The following FAT3 variants were observed in gnomAD, a reference collection of about 807,000 sequenced individuals.
The protein encoded by FAT3 is protocadherin Fat 3.
Under a neutral mutation model 310.2 loss-of-function variants are expected in FAT3, and 95 were observed. That is an observed-to-expected ratio of 0.31 (90% CI 0.26 to 0.36). The LOEUF (loss-of-function observed/expected upper bound fraction) is 0.36, where lower values mean the gene tolerates loss of function less well. Ranked by LOEUF, FAT3 falls within the 10% of genes least tolerant of loss-of-function variation. The pLI, the probability that FAT3 is intolerant of heterozygous loss-of-function variation, is 1.00. For missense variants in FAT3, 5,408 were observed against 5,715.6 expected, an observed-to-expected ratio of 0.95 and a Z score of 1.74; for synonymous variants, 2,314 against 2,192.9, an observed-to-expected ratio of 1.06 and a Z score of -1.54.
chr11:92,828,024 CA>C (rs1948144270), intron 13 of FAT3, among the ~76,000 whole-genome samples: 1 of 152,104 alleles, frequency 6.6e-6, no homozygotes, highest in African/African-American at 2.4e-5. Flanking sequence ...GTTAAAAACA[CA>C]GAGGCAAAAT....
intron 2 of FAT3, among the ~76,000 whole-genome samples, chr11:92,400,887 A>T (rs2134864797): frequency 6.6e-6 from 1 of 152,280 alleles, no homozygotes; most frequent in South Asian, 2.1e-4. Flanking sequence ...ATACCATAAA[A>T]ACAATCTGCT....
chr11:92,340,442 C>T lies in FAT3; in HGVS notation c.-17-11654C>T, dbSNP rs949236447. On this transcript the variant is annotated intron_variant, in intron 1 of 27. Transcript: ENST00000525166. ...TGAAGTGTAATCTGCTGTGTCTCCA[C>T]GGCCTTAACTGTATTTGAGCTCACT... Among the ~76,000 whole-genome samples the T allele has an allele frequency of 4.6e-5, 7 of 152,170 alleles. No individual in the cohort carries two copies. The South Asian group carries it at 1.0e-3, about 22-fold the overall frequency.
At chr11:92,228,596 A>T (rs1468917715) in intron 1 of FAT3, among the ~76,000 whole-genome samples, 1 of 152,200 alleles carries the variant, frequency 6.6e-6, no homozygotes, top group Non-Finnish European at 1.5e-5. Context: ...AAATAGAAAG[A>T]AGTAGGCAAT....
At chr11:92,841,385 G>C (rs1948544790) in intron 18 of FAT3, among the ~76,000 whole-genome samples, 1 of 152,182 alleles carries the variant, frequency 6.6e-6, no homozygotes, top group Non-Finnish European at 1.5e-5. Context: ...ATCCACTGTT[G>C]CTTACAGAGG....
intron 4 of FAT3, among the ~76,000 whole-genome samples, chr11:92,718,272 C>T (rs1333877011): frequency 6.6e-6 from 1 of 152,128 alleles, no homozygotes; most frequent in East Asian, 1.9e-4. Flanking sequence ...TTATTACTTG[C>T]ATATGAGCTT....
chr11:92,827,842 G>A (rs963990185), intron 13 of FAT3, among the ~76,000 whole-genome samples: 1 of 152,098 alleles, frequency 6.6e-6, no homozygotes, highest in Non-Finnish European at 1.5e-5. Flanking sequence ...CCTTTTCCTT[G>A]ATTTCAATTC....
intron 3 of FAT3, among the ~76,000 whole-genome samples, chr11:92,583,325 C>T (rs1938920453): frequency 1.3e-5 from 2 of 152,008 alleles, no homozygotes; most frequent in South Asian, 2.1e-4. Context: ...TTTTGTCTTT[C>T]CCTCCTTTCT....
intron 1 of FAT3, among the ~76,000 whole-genome samples, chr11:92,290,121 C>T (rs1233980619): frequency 6.6e-6 from 1 of 152,088 alleles, no homozygotes; most frequent in East Asian, 1.9e-4. Context: ...CACTCCCTTA[C>T]CTTCTTGTCT....
At chr11:92,621,919 A>G (rs1941104830) in intron 3 of FAT3, among the ~76,000 whole-genome samples, 1 of 152,186 alleles carries the variant, frequency 6.6e-6, no homozygotes, top group Non-Finnish European at 1.5e-5. Flanking sequence ...GTGGCTGTAG[A>G]TAGTGGCTCA....
chr11:92,882,585 T>TCCCCA (rs1555169679), intron 23 of FAT3, among the ~76,000 whole-genome samples, 153 bp from the exon 24 acceptor site: 1 of 93,174 alleles, frequency 1.1e-5, no homozygotes, highest in Non-Finnish European at 2.2e-5. Flanking sequence ...TAACTCCCCC[T>TCCCCA]CCCCCCCCCC....
intron 3 of FAT3, among the ~76,000 whole-genome samples, chr11:92,682,123 T>G (rs1175019647): frequency 6.6e-6 from 1 of 152,216 alleles, no homozygotes; most frequent in Admixed American, 6.5e-5. Context: ...TCTTCTCACC[T>G]ACTCATTGCA....
intron 2 of FAT3, among the ~76,000 whole-genome samples, chr11:92,508,073 T>A (rs937982354): frequency 2.0e-5 from 3 of 152,176 alleles, no homozygotes; most frequent in African/African-American, 7.2e-5. Context: ...TATAAGTTTT[T>A]AAGTCACACA....
chr11:92,675,360 A>G (rs1245228907), intron 3 of FAT3, among the ~76,000 whole-genome samples: 1 of 152,230 alleles, frequency 6.6e-6, no homozygotes, highest in Admixed American at 6.5e-5. Context: ...AGAAGGACCT[A>G]AAGTTCATCT....
chr11:92,278,499 T>C (rs116563584), intron 1 of FAT3, among the ~76,000 whole-genome samples: 196 of 152,240 alleles, frequency 1.3e-3, no homozygotes, highest in African/African-American at 4.5e-3. Flanking sequence ...TTTTGGTGGT[T>C]AAATCTAGAA....
rs368060125 is a variant in FAT3 at position 92,719,068 on chromosome 11, G to A, written c.3669+21623G>A. Among the ~76,000 whole-genome samples the A allele has an allele frequency of 1.1e-4, 16 of 152,164 alleles. No homozygotes were observed. In the East Asian group the frequency reaches 2.9e-3, roughly 28 times the overall value. Reference sequence around the variant, plus strand: ...CATGGAAATATTTTTACAGTATTAGGTTCCTGATATTTATTGAAGCTATAG... The same window carrying A: ...CATGGAAATATTTTTACAGTATTAGATTCCTGATATTTATTGAAGCTATAG... On this transcript the variant is annotated intron_variant, in intron 4 of 27. Coordinates refer to ENST00000525166, the MANE Select transcript of FAT3 (RefSeq NM_001367949.2).
intron 9 of FAT3, among the ~76,000 whole-genome samples, chr11:92,795,259 G>A (rs1947138937): frequency 6.6e-6 from 1 of 152,000 alleles, no homozygotes; most frequent in African/African-American, 2.4e-5. Flanking sequence ...TGAATAGAGA[G>A]TTTAAAATAT....
chr11:92,249,017 T>G (rs1205959225), intron 1 of FAT3, among the ~76,000 whole-genome samples: 1 of 152,160 alleles, frequency 6.6e-6, no homozygotes, highest in African/African-American at 2.4e-5. Context: ...TTCTAACATC[T>G]GAATTCTGTG....
chr11:92,256,579 G>T (rs938085289), intron 1 of FAT3, among the ~76,000 whole-genome samples: 1 of 152,038 alleles, frequency 6.6e-6, no homozygotes, highest in Admixed American at 6.6e-5. Context: ...TGTATCATTT[G>T]GCATGTGTAA....
chr11:92,814,415 G>A (rs1397800318), intron 13 of FAT3, among the ~76,000 whole-genome samples: 1 of 151,952 alleles, frequency 6.6e-6, no homozygotes, highest in African/African-American at 2.4e-5. Context: ...CATTGCCTGG[G>A]TCAGGAATAA....
Sources: allele counts gnomAD v4.1 joint callset (sites outside exome capture counted in the v4.1 genomes callset), GRCh38; gene constraint gnomAD v4.1.1; transcripts MANE v1.5; gene names NCBI Gene and HGNC (gene_info 2026-07-23, HGNC 2026-07-21).